SLC17A4: variants seen among roughly 807,000 people sequenced by gnomAD.
SLC17A4 encodes the protein solute carrier family 17 member 4.
SLC17A4 carries 33 observed loss-of-function variants against 52.5 expected under a neutral mutation model. The observed-to-expected ratio is 0.63, with a 90% CI of 0.48 to 0.84. The LOEUF (loss-of-function observed/expected upper bound fraction) is 0.84, where lower values mean the gene tolerates loss of function less well. Among genes scored for constraint, SLC17A4 ranks in the 40% least tolerant of loss-of-function variants. SLC17A4 has a pLI of 0.00. For missense variants in SLC17A4, 585 were observed against 597.1 expected (o/e 0.98, Z 0.21); for synonymous variants, 225 against 216.2 (o/e 1.04, Z -0.36).
chr6:25,778,370 A>G (rs1457185166), intron 11 of SLC17A4, among the ~76,000 whole-genome samples: 1 of 152,000 alleles, frequency 6.6e-6, no homozygotes. Flanking sequence ...AAAATAAATG[A>G]AGAATAACAA....
intron 1 of SLC17A4, among the ~76,000 whole-genome samples, chr6:25,757,133 C>A (rs1379450999): frequency 6.6e-6 from 1 of 152,172 alleles, no homozygotes; most frequent in African/African-American, 2.4e-5. Context: ...GTTCCATGGT[C>A]TAACATCTGT....
At chr6:25,760,116 T>G (rs4712968) in intron 1 of SLC17A4, among the ~76,000 whole-genome samples, 4 of 152,102 alleles carry the variant, frequency 2.6e-5, no homozygotes, top group African/African-American at 9.6e-5. Flanking sequence ...TGATCATAGT[T>G]TTTTAAAATG....
Position 25,761,873 on chromosome 6 carries a change from G to T in SLC17A4, c.-36-54G>T, listed in dbSNP as rs1761565773. 9 of 1,025,008 alleles carry T rather than the reference G, an allele frequency of 8.8e-6. No homozygotes were observed. The East Asian group carries it at 2.3e-4, about 26-fold the overall frequency. The allele number at this position is 1,025,008 out of a possible 1,614,324, so 63.5% of individuals were successfully genotyped here. A position where few individuals can be genotyped will look rare whatever the true frequency, so the allele number is the denominator to read the frequency against. On this transcript the variant is annotated intron_variant, in intron 1 of 11. Coordinates refer to ENST00000377905, the MANE Select transcript of SLC17A4 (RefSeq NM_005495.3). ...CTCCTAGTTCTTAGAAAGAATTGGGGTAATATCATATAAGATTCTCCCTGT... is the reference window on the plus strand; with the variant it reads ...CTCCTAGTTCTTAGAAAGAATTGGGTTAATATCATATAAGATTCTCCCTGT...
chr6:25,768,796 T>C (rs1892250), intron 2 of SLC17A4, among the ~76,000 whole-genome samples, 189 bp from the exon 3 acceptor site: 138,497 of 152,260 alleles, frequency 0.91, 63,112 homozygotes, highest in East Asian at 0.98. Flanking sequence ...CTGAGAAATG[T>C]TTCTGAGGGA....
At position 25,778,007 on chromosome 6, in the gene SLC17A4, C is replaced by G; in HGVS notation, c.1350C>G (p.Phe450Leu). The G allele has an allele frequency of 6.2e-7, 1 of 1,610,470 alleles. No homozygotes were observed. The highest frequency in any genetic ancestry group is 8.5e-7 in the Non-Finnish European group (1 of 1,178,444). The change falls in exon 11 of 12, where the codon TTC becomes TTG. Residue 450 changes from phenylalanine to leucine, a missense_variant. By Grantham distance (22) the Phe-to-Leu change is conservative. Coordinates refer to ENST00000377905, the MANE Select transcript of SLC17A4 (RefSeq NM_005495.3). ...GAISPTAAGFFISQDSEFGWR... is the reference protein window; with the variant it reads ...GAISPTAAGFLISQDSEFGWR... The stretch of plus-strand genomic sequence containing the variant: ...TCTCTCCTACTGCTGCTGGATTTTT[C>G]ATCAGTCAGGTGAGGTCAAATGTTC...
chr6:25,755,726 G>A (rs1255225814), intron 1 of SLC17A4, among the ~76,000 whole-genome samples: 1 of 152,132 alleles, frequency 6.6e-6, no homozygotes, highest in Non-Finnish European at 1.5e-5. Flanking sequence ...TGGACTCACA[G>A]ACACAAAACT....
At chr6:25,778,970 G>T in intron 11 of SLC17A4, 84 bp from the exon 12 acceptor site, 1 of 1,561,582 alleles carries the variant, frequency 6.4e-7, no homozygotes. Context: ...GGAGGGAGCA[G>T]GAGGACACAG....
chr6:25,770,917 T>C lies in SLC17A4; in HGVS notation c.620-9T>C, dbSNP rs1383598112. On this transcript the variant is annotated splice_polypyrimidine_tract_variant and intron_variant, in intron 5 of 11. Transcript: ENST00000377905. ...TCTCACCCAGAACATCCTCGCCTCT[T>C]CTGTTCAGGGTCAATGCTGGGGTCC... is the stretch of plus-strand genomic sequence containing the variant. The C allele has an allele frequency of 6.2e-7, 1 of 1,611,432 alleles. No homozygotes were observed. Among genetic ancestry groups the C allele is most frequent in the Admixed American group, 1.7e-5 (1 of 59,994 alleles).
rs773721502 is a variant in SLC17A4, at chr6:25,780,817, T to C, written c.*1629T>C. On this transcript the variant is annotated 3_prime_UTR_variant, in exon 12 of 12. Transcript: ENST00000377905. ...TATTTGATTTAGGTGGATTATTTGA[T>C]TTAGGGAATAAACCTGACGGGTCCT... The C allele has an allele frequency of 6.6e-6, 1 of 152,200 alleles. No individual in the cohort carries two copies. Among genetic ancestry groups the C allele is most frequent in the Non-Finnish European group, 1.5e-5 (1 of 68,064 alleles). 9.4% of individuals were successfully genotyped at this position (152,200 alleles called of 1,614,324 possible).
intron 11 of SLC17A4, 135 bp from the exon 12 acceptor site, chr6:25,778,919 G>T: frequency 9.0e-7 from 1 of 1,111,880 alleles, no homozygotes; most frequent in East Asian, 2.4e-5. Flanking sequence ...GAGTATTCTA[G>T]GACCAACTGG....
At chr6:25,766,082 TTTAA>T (rs10616331) in intron 2 of SLC17A4, among the ~76,000 whole-genome samples, 2,763 of 151,182 alleles carry the variant, frequency 0.018, 71 homozygotes, top group African/African-American at 0.06. Context: ...TTATAAAAAC[TTTAA>T]TTACATAATC....
chr6:25,775,576 C>T (rs1181837876), intron 8 of SLC17A4, among the ~76,000 whole-genome samples: 1 of 152,018 alleles, frequency 6.6e-6, no homozygotes, highest in Non-Finnish European at 1.5e-5. Context: ...GCTGGGACCA[C>T]AGGCGTGTAC....
chr6:25,757,149 T>C (rs1283337924), intron 1 of SLC17A4, among the ~76,000 whole-genome samples: 1 of 152,224 alleles, frequency 6.6e-6, no homozygotes, highest in African/African-American at 2.4e-5. Flanking sequence ...TCTGTGGTTT[T>C]GAATGACATC....
chr6:25,779,945 T>C lies in SLC17A4; in HGVS notation c.*757T>C, dbSNP rs1763219366. 1 of 152,250 alleles carries C rather than the reference T, an allele frequency of 6.6e-6. No individual in the cohort carries two copies. Among genetic ancestry groups the C allele is most frequent in the Non-Finnish European group, 1.5e-5 (1 of 68,064 alleles). 9.4% of individuals were successfully genotyped at this position (152,250 alleles called of 1,614,324 possible). A position where few individuals can be genotyped will look rare whatever the true frequency, so the allele number is the denominator to read the frequency against. ...TTCATGTAGCACTGCTTTTGGACAG[T>C]GACCCATGATATCTGCCTTCGTTTG... is the stretch of plus-strand genomic sequence containing the variant. On this transcript the variant is annotated 3_prime_UTR_variant, in exon 12 of 12. Transcript: ENST00000377905.
chr6:25,777,987 CCTA>C lies in SLC17A4; in HGVS notation c.1333_1335del (p.Thr445del). On this transcript the variant is annotated inframe_deletion, in exon 11 of 12. Coordinates refer to ENST00000377905, the MANE Select transcript of SLC17A4 (RefSeq NM_005495.3). Reference sequence around the variant, plus strand: ...TGCACACATAGCTGGAGCCATCTCTCCTACTGCTGCTGGATTTTTCATCAGTCA... The same window carrying C: ...TGCACACATAGCTGGAGCCATCTCTCCTGCTGCTGGATTTTTCATCAGTCA... 1 of 1,612,772 alleles carries C rather than the reference CCTA, an allele frequency of 6.2e-7. No individual in the cohort carries two copies. Among genetic ancestry groups the C allele is most frequent in the Non-Finnish European group, 8.5e-7 (1 of 1,179,628 alleles).
At chr6:25,758,238 AC>A (rs1226678892) in intron 1 of SLC17A4, among the ~76,000 whole-genome samples, 2 of 152,110 alleles carry the variant, frequency 1.3e-5, no homozygotes, top group Admixed American at 1.3e-4. Context: ...CTATAATTTG[AC>A]TTGAAGTGAC....
intron 1 of SLC17A4, among the ~76,000 whole-genome samples, chr6:25,755,233 A>G (rs1760914522): frequency 6.6e-6 from 1 of 152,218 alleles, no homozygotes; most frequent in Non-Finnish European, 1.5e-5. Flanking sequence ...GATTTTCATC[A>G]TGCCTAAAAA....
intron 6 of SLC17A4, 139 bp downstream of exon 6, chr6:25,771,151 A>G (rs1338092634): frequency 1.4e-6 from 1 of 710,598 alleles, no homozygotes; most frequent in Non-Finnish European, 2.5e-6. Context: ...TACATTTAAC[A>G]TTTAAGTTTC....
intron 6 of SLC17A4, 87 bp downstream of exon 6, chr6:25,771,099 T>C (rs796368308): frequency 1.8e-6 from 2 of 1,090,482 alleles, no homozygotes; most frequent in African/African-American, 3.1e-5. Context: ...CTAATAGATA[T>C]GGATATTTAC....
Sources: gnomAD v4.1 joint callset for allele counts (sites outside exome capture counted in the v4.1 genomes callset) on GRCh38, gnomAD v4.1.1 for gene constraint, MANE v1.5 for transcripts, NCBI Gene and HGNC (gene_info 2026-07-23, HGNC 2026-07-21) for gene names.